PRPSAP1: variants seen among roughly 807,000 people sequenced by gnomAD.
The protein encoded by PRPSAP1 is phosphoribosyl pyrophosphate synthase-associated protein 1.
A neutral mutation model predicts 39.4 loss-of-function variants in PRPSAP1; 31 were observed. The ratio of observed to expected loss-of-function variants is 0.79; its 90% CI spans 0.59 to 1.06. The LOEUF (loss-of-function observed/expected upper bound fraction) is 1.06, where lower values mean the gene tolerates loss of function less well. Ranked by LOEUF, PRPSAP1 falls within the 50% of genes least tolerant of loss-of-function variation. PRPSAP1 has a pLI of 0.00. For missense variants in PRPSAP1, 430 were observed against 511.6 expected (o/e 0.84, Z 1.54); for synonymous variants, 212 against 192.6 (o/e 1.10, Z -0.83).
At chr17:76,340,528 T>C (rs568131600) in intron 3 of PRPSAP1, among the ~76,000 whole-genome samples, 7 of 151,904 alleles carry the variant, frequency 4.6e-5, no homozygotes, top group African/African-American at 1.5e-4. Flanking sequence ...GCCAAGAATT[T>C]TATAAAATTC....
intron 6 of PRPSAP1, among the ~76,000 whole-genome samples, chr17:76,329,166 G>C (rs955094751): frequency 6.6e-6 from 1 of 151,782 alleles, no homozygotes; most frequent in African/African-American, 2.4e-5. Flanking sequence ...ACCTCCTGAG[G>C]CTCAGGTGAT....
intron 7 of PRPSAP1, among the ~76,000 whole-genome samples, chr17:76,324,315 T>C (rs1221714064): frequency 6.6e-6 from 1 of 151,780 alleles, no homozygotes; most frequent in Admixed American, 6.6e-5. Context: ...AAAAATGCTG[T>C]CAGCCGGGCG....
At chr17:76,332,878 G>A (rs2071337832) in intron 3 of PRPSAP1, among the ~76,000 whole-genome samples, 1 of 151,962 alleles carries the variant, frequency 6.6e-6, no homozygotes, top group African/African-American at 2.4e-5. Context: ...AGTGTGGGGA[G>A]GTCTTGGAAT....
intron 7 of PRPSAP1, 78 bp from the exon 8 acceptor site, chr17:76,313,969 G>A (rs2071095083): frequency 2.0e-6 from 3 of 1,490,206 alleles, no homozygotes; most frequent in Non-Finnish European, 2.8e-6. Context: ...CTAATTCCCT[G>A]GAAATGGTGG....
At chr17:76,353,461 A>G (rs1420017064) in intron 1 of PRPSAP1, 73 bp downstream of exon 1, 2 of 1,361,994 alleles carry the variant, frequency 1.5e-6, no homozygotes, top group Non-Finnish European at 1.9e-6. Context: ...GGTGGAGGGG[A>G]GCGGGTCCCT....
At chr17:76,332,481 A>G in intron 3 of PRPSAP1, 46 bp from the exon 4 acceptor site, 2 of 1,600,952 alleles carry the variant, frequency 1.2e-6, no homozygotes, top group African/African-American at 1.3e-5. Context: ...CCATGTATCA[A>G]CCCTAGAAAA....
rs2071066144 is a variant in PRPSAP1 at position 76,311,089 on chromosome 17, C to A, written c.*453G>T. The A allele has an allele frequency of 6.6e-6, 1 of 152,624 alleles. No homozygotes were observed. The highest frequency in any genetic ancestry group is 1.5e-5 in the Non-Finnish European group (1 of 68,396). The allele number at this position is 152,624 out of a possible 1,614,324, so 9.5% of individuals were successfully genotyped here. On this transcript the variant is annotated 3_prime_UTR_variant, in exon 10 of 10. Transcript: ENST00000446526. The stretch of plus-strand genomic sequence containing the variant: ...CAATTTCTGAAAGAAAAATACGATT[C>A]TCTATAAAAGACTTGAAGTTGATTT...
intron 3 of PRPSAP1, among the ~76,000 whole-genome samples, chr17:76,332,862 C>T (rs904054288): frequency 5.3e-5 from 8 of 151,902 alleles, no homozygotes; most frequent in Non-Finnish European, 1.2e-4. Context: ...TGGTCTCTTT[C>T]CATTGAGTGT....
intron 7 of PRPSAP1, among the ~76,000 whole-genome samples, chr17:76,320,207 T>C (rs1351541250): frequency 6.6e-6 from 1 of 150,570 alleles, no homozygotes. Context: ...AAAGCAAAGG[T>C]TGCAGTGAGC....
At position 76,332,270 on chromosome 17, in the gene PRPSAP1, C is replaced by T. The variant is rs755919936; in HGVS notation, c.456G>A (p.Ala152=). 5.0e-6 allele frequency: 8 copies of T among 1,613,912 alleles called. No homozygotes were observed. The highest frequency in any genetic ancestry group is 1.3e-5 in the African/African-American group (1 of 74,926). Residue 152 remains alanine, a synonymous_variant, in exon 4 of 10, where the codon GCG becomes GCA. Transcript: ENST00000446526. ...IVCKLLASML[A]KAGLTHIITM... ...GCCCCCGCGCACACTCACCTGCTTT[C>T]GCCAGCATGGATGCTAGCAGCTTGC...
At chr17:76,319,600 T>C (rs138048102) in intron 7 of PRPSAP1, 16,636 of 151,706 alleles carry the variant, frequency 0.11, 1,271 homozygotes, top group Admixed American at 0.28. Flanking sequence ...TCCTGAGTAG[T>C]TGGGATTACA....
chr17:76,348,009 A>T (rs953502235), intron 2 of PRPSAP1, among the ~76,000 whole-genome samples: 2 of 152,122 alleles, frequency 1.3e-5, no homozygotes, highest in Admixed American at 6.6e-5. Context: ...AGTAAGAAAA[A>T]ATATTTGCAT....
chr17:76,342,673 G>A (rs959772454), intron 3 of PRPSAP1, among the ~76,000 whole-genome samples: 3 of 148,460 alleles, frequency 2.0e-5, no homozygotes, highest in East Asian at 2.0e-4. Flanking sequence ...AGCCATGATC[G>A]TGTCACTGCA....
intron 3 of PRPSAP1, among the ~76,000 whole-genome samples, chr17:76,344,408 C>T (rs1431055086): frequency 3.9e-5 from 6 of 152,082 alleles, no homozygotes; most frequent in South Asian, 2.1e-4. Flanking sequence ...GGATTACAGG[C>T]GTGAGCCATC....
At chr17:76,351,302 G>A (rs1197239502) in intron 1 of PRPSAP1, among the ~76,000 whole-genome samples, 1 of 152,124 alleles carries the variant, frequency 6.6e-6, no homozygotes, top group Non-Finnish European at 1.5e-5. Context: ...GGATCACGAG[G>A]TCAGGAGATT....
At position 76,332,369 on chromosome 17, in the gene PRPSAP1, C is replaced by G. The variant is rs1372417936; in HGVS notation, c.357G>C (p.Arg119Ser). 6 of 1,614,060 alleles carry G rather than the reference C, an allele frequency of 3.7e-6. No homozygotes were observed. Among genetic ancestry groups the G allele is most frequent in the Non-Finnish European group, 5.1e-6 (6 of 1,180,036 alleles). The change falls in exon 4 of 10, where the codon AGG (arginine) becomes AGC (serine). Residue 119 changes from arginine to serine, a missense_variant. Around this residue, in one of 2 missense-constraint regions of PRPSAP1, gnomAD observed 278 missense variants for 376.3 expected, o/e 0.74. Coordinates refer to ENST00000446526, the MANE Select transcript of PRPSAP1 (RefSeq NM_002766.3). ...AGTAGGGGATGACCCCAATAATGTT[C>G]CTGGCACAGGCAGTCTTCAGTGCGT... is the stretch of plus-strand genomic sequence containing the variant. The part of the protein sequence containing the change: ...MAYALKTACA[R>S]NIIGVIPYFP...
intron 7 of PRPSAP1, among the ~76,000 whole-genome samples, chr17:76,328,168 CAG>C (rs1555594157): frequency 1.4e-5 from 2 of 140,416 alleles, no homozygotes; most frequent in Non-Finnish European, 3.0e-5. Flanking sequence ...TACAGAGCAA[CAG>C]GGGGAGATCC....
chr17:76,328,951 T>C, intron 6 of PRPSAP1, 89 bp from the exon 7 acceptor site: 3 of 1,420,674 alleles, frequency 2.1e-6, no homozygotes, highest in Non-Finnish European at 1.9e-6. Flanking sequence ...AATGAAAATA[T>C]TTAACGTTTC....
chr17:76,338,091 G>C (rs547310811), intron 3 of PRPSAP1, among the ~76,000 whole-genome samples: 3 of 152,184 alleles, frequency 2.0e-5, no homozygotes, highest in East Asian at 3.9e-4. Flanking sequence ...ATTTTGTTCT[G>C]AATGGCTTTT....
Sources: allele counts gnomAD v4.1 joint callset (sites outside exome capture counted in the v4.1 genomes callset), GRCh38; gene constraint gnomAD v4.1.1; regional missense constraint gnomAD v4.1.1; transcripts MANE v1.5; gene names NCBI Gene and HGNC (gene_info 2026-07-23, HGNC 2026-07-21).